Variants in ZFHX3 observed in about 807,000 individuals in gnomAD.
The protein encoded by ZFHX3 is zinc finger homeobox 3.
In ZFHX3, 42 loss-of-function variants were observed where a neutral mutation model predicts 279.1. The observed-to-expected ratio is 0.15, with a 90% CI of 0.12 to 0.19. The LOEUF is 0.19. Among genes scored for constraint, ZFHX3 ranks in the 10% least tolerant of loss-of-function variants. ZFHX3 has a pLI of 1.00. For missense variants in ZFHX3, 4,981 were observed against 4,754.0 expected (o/e 1.05, Z -1.40); for synonymous variants, 2,293 against 1,957.8 (o/e 1.17, Z -4.52).
At chr16:73,772,136 C>G (rs1054593763) in intron 1 of ZFHX3, among the ~76,000 whole-genome samples, 2 of 152,192 alleles carry the variant, frequency 1.3e-5, no homozygotes, top group Admixed American at 1.3e-4. Context: ...CCTCCACCCC[C>G]TCGCCACAGA....
chr16:73,237,910 T>C (rs1196417548), intron 5 of ZFHX3, among the ~76,000 whole-genome samples: 1 of 152,196 alleles, frequency 6.6e-6, no homozygotes, highest in East Asian at 1.9e-4. Flanking sequence ...TGAGCTGGTC[T>C]ACATTTGTAC....
At chr16:73,496,386 C>G (rs1329638735) in intron 2 of ZFHX3, among the ~76,000 whole-genome samples, 1 of 152,136 alleles carries the variant, frequency 6.6e-6, no homozygotes, top group Non-Finnish European at 1.5e-5. Flanking sequence ...CAAAATTTAG[C>G]AAGGCATGGT....
chr16:73,224,394 G>A (rs1170065344), intron 5 of ZFHX3, among the ~76,000 whole-genome samples: 1 of 152,148 alleles, frequency 6.6e-6, no homozygotes. Context: ...TAAAATAGTT[G>A]GAGGTTTTTC....
intron 3 of ZFHX3, among the ~76,000 whole-genome samples, chr16:73,384,967 T>C (rs1377354033): frequency 6.6e-6 from 1 of 152,162 alleles, no homozygotes; most frequent in South Asian, 2.1e-4. Flanking sequence ...ATGGGACTTT[T>C]GCGGGGACTT....
intron 1 of ZFHX3, among the ~76,000 whole-genome samples, chr16:73,020,757 A>G (rs1964269094): frequency 6.6e-6 from 1 of 152,238 alleles, no homozygotes; most frequent in African/African-American, 2.4e-5. Context: ...TCAGGGAGGC[A>G]CGGGCATGGT....
At chr16:73,187,428 AC>A (rs944755517) in intron 5 of ZFHX3, among the ~76,000 whole-genome samples, 2 of 150,938 alleles carry the variant, frequency 1.3e-5, no homozygotes, top group Non-Finnish European at 2.9e-5. Context: ...CTAATCCCTG[AC>A]CCCCCTGCCC....
intron 3 of ZFHX3, among the ~76,000 whole-genome samples, chr16:73,437,308 G>A (rs1244114866): frequency 6.6e-6 from 1 of 152,140 alleles, no homozygotes; most frequent in Non-Finnish European, 1.5e-5. Context: ...AAAATGCTCA[G>A]TTCCCTTTTT....
chr16:73,560,176 G>A (rs1026449825), intron 2 of ZFHX3, among the ~76,000 whole-genome samples: 5 of 152,190 alleles, frequency 3.3e-5, no homozygotes, highest in African/African-American at 4.8e-5. Flanking sequence ...ATAAGATGCT[G>A]AAGATTTCCC....
At chr16:73,363,550 A>AT (rs760781284) in intron 3 of ZFHX3, among the ~76,000 whole-genome samples, 28 of 150,442 alleles carry the variant, frequency 1.9e-4, no homozygotes, top group African/African-American at 3.7e-4. Context: ...TGGCACTTTA[A>AT]TTTTTTTTTT....
At chr16:72,962,263 G>A (rs756717) in intron 1 of ZFHX3, among the ~76,000 whole-genome samples, 50,326 of 152,106 alleles carry the variant, frequency 0.33, 8,931 homozygotes, top group Non-Finnish European at 0.39. Flanking sequence ...ACCTGCAAGC[G>A]TTTACCAATT....
chr16:72,795,387 A>G lies in ZFHX3; in HGVS notation c.7295T>C (p.Leu2432Pro). The change falls in exon 9 of 10, where the codon CTG becomes CCG. Residue 2432 changes from leucine to proline, a missense_variant. By Grantham distance (98) the Leu-to-Pro change is moderately conservative. Around this residue, in one of 7 missense-constraint regions of ZFHX3, gnomAD observed 744 missense variants for 701.3 expected, o/e 1.06. Coordinates refer to ENST00000268489, the MANE Select transcript of ZFHX3 (RefSeq NM_006885.4). ...TGGCTGTGCACTGGGAGCTTCCGCC[A>G]GCTTTGGTTTCTCATCGCCTGCCTC... is the stretch of plus-strand genomic sequence containing the variant. ...KTEAGDEKPK[L>P]AEAPSAQPNQ... is the part of the protein sequence containing the mutation. 6.2e-7 allele frequency: 1 copy of G among 1,614,126 alleles called. No homozygotes were observed. The highest frequency in any genetic ancestry group is 1.1e-5 in the South Asian group (1 of 91,082).
At chr16:73,096,034 G>C (rs1460116012) in intron 7 of ZFHX3, among the ~76,000 whole-genome samples, 1 of 152,104 alleles carries the variant, frequency 6.6e-6, no homozygotes, top group Non-Finnish European at 1.5e-5. Context: ...CGATGTGATT[G>C]AGCCAAGGGT....
At position 73,088,030 on chromosome 16, in the gene ZFHX3, G is replaced by C. The variant is rs572732529; in HGVS notation, c.-533+5205C>G. Among the ~76,000 whole-genome samples the C allele has an allele frequency of 5.3e-5, 8 of 152,228 alleles. No homozygotes were observed. In the South Asian group the frequency reaches 1.2e-3, roughly 24 times the overall value. On this transcript the variant is annotated intron_variant, in intron 8 of 17. Coordinates refer to the ZFHX3 transcript ENST00000641206. ...TTTAGTAGAGATGGGGTTTCTCCAT[G>C]TTGGCCAGGCTGGTCTCGAACTCCT...
chr16:73,180,133 G>A (rs926946831), intron 5 of ZFHX3, among the ~76,000 whole-genome samples: 40 of 152,156 alleles, frequency 2.6e-4, no homozygotes, highest in Non-Finnish European at 1.0e-4. Flanking sequence ...GAGCCCAGCC[G>A]AATCCATCCA....
At chr16:73,225,055 A>C (rs1009607643) in intron 5 of ZFHX3, among the ~76,000 whole-genome samples, 1 of 152,152 alleles carries the variant, frequency 6.6e-6, no homozygotes, top group Admixed American at 6.5e-5. Context: ...TCATCCTAAG[A>C]GATAATATCT....
intron 2 of ZFHX3, among the ~76,000 whole-genome samples, chr16:73,543,722 C>A (rs976586413): frequency 4.6e-5 from 7 of 151,846 alleles, no homozygotes; most frequent in Admixed American, 2.0e-4. Flanking sequence ...CCCGCCCCCA[C>A]CTTCTCTTCT....
intron 2 of ZFHX3, among the ~76,000 whole-genome samples, chr16:73,611,239 C>T (rs567881027): frequency 6.6e-6 from 1 of 152,088 alleles, no homozygotes; most frequent in South Asian, 2.1e-4. Context: ...ATTCAACAAA[C>T]CTTTCCTCAA....
At chr16:73,216,787 G>A (rs2012225113) in intron 5 of ZFHX3, among the ~76,000 whole-genome samples, 1 of 150,258 alleles carries the variant, frequency 6.7e-6, no homozygotes, top group South Asian at 2.1e-4. Context: ...AAAAAAAAAA[G>A]GACTCAAATA....
At chr16:73,087,608 G>A (rs1966023956) in intron 8 of ZFHX3, among the ~76,000 whole-genome samples, 1 of 152,122 alleles carries the variant, frequency 6.6e-6, no homozygotes, top group Non-Finnish European at 1.5e-5. Flanking sequence ...GGGGGGTGAT[G>A]GACAAGAATC....
Sources: gnomAD v4.1 joint callset for allele counts (sites outside exome capture counted in the v4.1 genomes callset) on GRCh38, gnomAD v4.1.1 for gene constraint, gnomAD v4.1.1 regional missense constraint, MANE v1.5 for transcripts, NCBI Gene and HGNC (gene_info 2026-07-23, HGNC 2026-07-21) for gene names.